The following EFCAB13 variants were observed in gnomAD, a reference collection of about 807,000 sequenced individuals.
EFCAB13 encodes the protein EF-hand calcium-binding domain-containing protein 13.
A neutral mutation model predicts 110.2 loss-of-function variants in EFCAB13; 91 were observed. The ratio of observed to expected loss-of-function variants is 0.83; its 90% confidence interval spans 0.70 to 0.98. The LOEUF (loss-of-function observed/expected upper bound fraction) is 0.98, where lower values mean the gene tolerates loss of function less well. Ranked by LOEUF, EFCAB13 falls within the 50% of genes least tolerant of loss-of-function variation. The probability of loss-of-function intolerance (pLI) is 0.00; values close to 1 mark genes in which losing one functional copy is unlikely to be tolerated. For synonymous variants in EFCAB13, 323 were observed against 369.9 expected (o/e 0.87, Z 1.45); for missense variants, 968 against 1,119.4 (o/e 0.86, Z 1.93).
intron 10 of EFCAB13, among the ~76,000 whole-genome samples, chr17:47,363,426 T>A (rs1362826479): frequency 6.6e-6 from 1 of 151,960 alleles, no homozygotes; most frequent in Non-Finnish European, 1.5e-5. Flanking sequence ...TGCCTGGAAC[T>A]GTGCTAGGTG....
At chr17:47,419,560 AGAGT>A (rs1904560986) in intron 23 of EFCAB13, among the ~76,000 whole-genome samples, 2 of 152,242 alleles carry the variant, frequency 1.3e-5, no homozygotes, top group African/African-American at 4.8e-5. Flanking sequence ...CCAGTGTGAC[AGAGT>A]GAGATCCCAT....
At chr17:47,384,889 C>T (rs2065668002) in intron 14 of EFCAB13, among the ~76,000 whole-genome samples, 1 of 152,138 alleles carries the variant, frequency 6.6e-6, no homozygotes, top group Admixed American at 6.5e-5. Context: ...CCTGCCTCAG[C>T]CTCCCACGTA....
chr17:47,342,655 A>G (rs1449604626), intron 6 of EFCAB13, among the ~76,000 whole-genome samples: 1 of 152,122 alleles, frequency 6.6e-6, no homozygotes, highest in Non-Finnish European at 1.5e-5. Flanking sequence ...CTGAGAATGC[A>G]TGCCTTTCTT....
chr17:47,345,694 C>T (rs78488859), intron 8 of EFCAB13, among the ~76,000 whole-genome samples: 3,239 of 152,302 alleles, frequency 0.021, 105 homozygotes, highest in East Asian at 0.18. Context: ...ATGTGAAAAT[C>T]TCAGACGTCA....
At chr17:47,435,274 GA>G (rs1175893831) in intron 24 of EFCAB13, among the ~76,000 whole-genome samples, 1 of 151,986 alleles carries the variant, frequency 6.6e-6, no homozygotes, top group Non-Finnish European at 1.5e-5. Context: ...ACAAACATAT[GA>G]AAAAAATGCA....
At chr17:47,439,171 G>GTTTTTTTTTTT (rs71141908) in intron 24 of EFCAB13, among the ~76,000 whole-genome samples, 3 of 73,866 alleles carry the variant, frequency 4.1e-5, no homozygotes, top group African/African-American at 5.6e-5. Flanking sequence ...TCTTTGTTTT[G>GTTTTTTTTTTT]TTTTTTTTTT....
At chr17:47,334,732 G>GT (rs1318520669) in intron 4 of EFCAB13, among the ~76,000 whole-genome samples, 4 of 152,066 alleles carry the variant, frequency 2.6e-5, no homozygotes, top group African/African-American at 9.7e-5. Context: ...CCTTGGCAAT[G>GT]TAGGGAGACC....
intron 9 of EFCAB13, among the ~76,000 whole-genome samples, chr17:47,351,454 C>G (rs2065452902): frequency 6.6e-6 from 1 of 152,046 alleles, no homozygotes; most frequent in Non-Finnish European, 1.5e-5. Flanking sequence ...GTTTCTTTTC[C>G]TTTGGGCATA....
Position 47,429,902 on chromosome 17 carries a change from A to G in EFCAB13, c.2579A>G (p.Lys860Arg), listed in dbSNP as rs756395125. 1 of 1,613,268 alleles carries G rather than the reference A, an allele frequency of 6.2e-7. No individual in the cohort carries two copies. Among genetic ancestry groups the G allele is most frequent in the Admixed American group, 1.7e-5 (1 of 59,996 alleles). ...VSDLKTLLMD[K>R]DLHTANAILT... ...GACCTCAAGACATTATTGATGGACA[A>G]GGACCTTCATACAGCTAATGCTATA... The change falls in exon 24 of 25, where the codon AAG becomes AGG. Residue 860 changes from lysine (K) to arginine (R), a missense_variant. Lys to Arg is a conservative substitution (Grantham distance 26, BLOSUM62 2). Coordinates refer to ENST00000331493, the MANE Select transcript of EFCAB13 (RefSeq NM_152347.5).
intron 22 of EFCAB13, among the ~76,000 whole-genome samples, chr17:47,414,275 A>G (rs1163578039): frequency 1.3e-5 from 2 of 152,114 alleles, no homozygotes; most frequent in Non-Finnish European, 2.9e-5. Flanking sequence ...GTGTGTGTAC[A>G]TGTACATGTG....
At chr17:47,366,513 A>AT (rs958902248) in intron 10 of EFCAB13, among the ~76,000 whole-genome samples, 15 of 152,008 alleles carry the variant, frequency 9.9e-5, no homozygotes, top group African/African-American at 2.9e-4. Flanking sequence ...AATTAGGATC[A>AT]TTTTTTTCCT....
chr17:47,393,957 A>G (rs1487390710), intron 15 of EFCAB13, 68 bp from the exon 16 acceptor site: 1 of 808,970 alleles, frequency 1.2e-6, no homozygotes, highest in African/African-American at 1.8e-5. Context: ...AACGTATTTT[A>G]TATAATTCAA....
chr17:47,331,524 A>G (rs1049540184), intron 4 of EFCAB13, among the ~76,000 whole-genome samples: 1 of 152,100 alleles, frequency 6.6e-6, no homozygotes, highest in African/African-American at 2.4e-5. Context: ...CCTGCTATCA[A>G]CATCCTGTAC....
chr17:47,422,138 TATTA>T (rs200739985), intron 23 of EFCAB13, among the ~76,000 whole-genome samples: 7,596 of 152,050 alleles, frequency 0.05, 248 homozygotes, highest in East Asian at 0.11. Flanking sequence ...GCAATATTGG[TATTA>T]ATTAACAAAA....
In EFCAB13 at chr17:47,398,077, G is replaced by A. The variant is rs531554943; in HGVS notation, c.1945+2100G>A. The stretch of plus-strand genomic sequence containing the variant: ...GGGAGGGAGGTTGGGGGGTCAGCCC[G>A]CCGCCCGGCCAGCCGCCCCGTCCGG... On this transcript the variant is annotated intron_variant, in intron 17 of 24. Coordinates refer to ENST00000331493, the MANE Select transcript of EFCAB13 (RefSeq NM_152347.5). 2.1e-4 allele frequency among the ~76,000 whole-genome samples: 26 copies of A among 123,848 alleles called. No homozygotes were observed. The South Asian group carries it at 5.8e-3, about 28-fold the overall frequency. The allele number at this position is 123,848 out of a possible 152,430, so 81.2% of individuals were successfully genotyped here.
intron 24 of EFCAB13, among the ~76,000 whole-genome samples, chr17:47,435,633 C>T: frequency 6.6e-6 from 1 of 152,046 alleles, no homozygotes. Context: ...GATTTGTGTA[C>T]AGTAATCTTG....
chr17:47,398,727 T>G (rs370272147), intron 17 of EFCAB13, among the ~76,000 whole-genome samples: 5 of 151,068 alleles, frequency 3.3e-5, no homozygotes, highest in African/African-American at 9.7e-5. Context: ...AAGGCCGCAG[T>G]GTCCTCTGCC....
chr17:47,378,674 T>C (rs1043750046), intron 13 of EFCAB13, among the ~76,000 whole-genome samples: 12 of 152,046 alleles, frequency 7.9e-5, no homozygotes, highest in African/African-American at 2.9e-4. Flanking sequence ...ACTCTGAGGG[T>C]TTATATCTAA....
intron 5 of EFCAB13, among the ~76,000 whole-genome samples, chr17:47,338,241 T>C (rs1488795294): frequency 8.3e-6 from 1 of 119,920 alleles, no homozygotes; most frequent in Non-Finnish European, 1.8e-5. Context: ...AGGTCACTAC[T>C]AGTTTTTTTT....
Sources: gnomAD v4.1 joint callset for allele counts (sites outside exome capture counted in the v4.1 genomes callset) on GRCh38, gnomAD v4.1.1 for gene constraint, MANE v1.5 for transcripts, NCBI Gene and HGNC (gene_info 2026-07-23, HGNC 2026-07-21) for gene names.